CD1B: variants seen among roughly 807,000 people sequenced by gnomAD.
CD1B encodes the protein T-cell surface glycoprotein CD1b.
A neutral mutation model predicts 39.8 loss-of-function variants in CD1B; 43 were observed. The ratio of observed to expected loss-of-function variants is 1.08; its 90% CI spans 0.85 to 1.39. CD1B has a LOEUF of 1.39. CD1B is among the 40% of genes most tolerant of loss of function. CD1B has a pLI of 0.00. For missense variants in CD1B, 495 were observed against 403.8 expected, an observed-to-expected ratio of 1.23 and a Z score of -1.94; for synonymous variants, 192 against 152.5, an observed-to-expected ratio of 1.26 and a Z score of -1.91.
the CD1B span, among the ~76,000 whole-genome samples, chr1:158,300,758 CTCTT>C: frequency 7.0e-6 from 1 of 142,416 alleles, no homozygotes; most frequent in Non-Finnish European, 1.5e-5. Context: ...CTCTCTCTCT[CTCTT>C]TTTTTTTTTT....
At chr1:158,286,176 C>T in the CD1B span, among the ~76,000 whole-genome samples, 2 of 152,126 alleles carry the variant, frequency 1.3e-5, no homozygotes, top group Non-Finnish European at 2.9e-5. Flanking sequence ...GAGCACTGGG[C>T]TCCCTCGGGA....
the CD1B span, chr1:158,291,295 A>C: frequency 6.2e-7 from 1 of 1,614,024 alleles, no homozygotes; most frequent in African/African-American, 1.3e-5. Flanking sequence ...GTCCAAGGGC[A>C]ACTTCAGCAA....
the CD1B span, among the ~76,000 whole-genome samples, chr1:158,290,406 G>T: frequency 6.6e-6 from 1 of 152,154 alleles, no homozygotes; most frequent in Admixed American, 6.5e-5. Context: ...AAATGATGTG[G>T]TTTCTCCTTT....
chr1:158,304,985 G>GA, the CD1B span, among the ~76,000 whole-genome samples: 2 of 152,184 alleles, frequency 1.3e-5, no homozygotes, highest in Middle Eastern at 3.4e-3. Context: ...CAAAGATGGG[G>GA]AAAAAACAGA....
the CD1B span, among the ~76,000 whole-genome samples, chr1:158,318,440 T>A: frequency 3.3e-5 from 5 of 152,236 alleles, no homozygotes; most frequent in Admixed American, 2.6e-4. Context: ...TCTCTTTTGA[T>A]CTTTATTAGT....
downstream of CD1B, among the ~76,000 whole-genome samples, chr1:158,324,361 G>A (rs1652278585): frequency 1.3e-5 from 2 of 152,168 alleles, no homozygotes; most frequent in Admixed American, 6.5e-5. Flanking sequence ...CTTCTACAGA[G>A]AGACTTTTGT....
the CD1B span, among the ~76,000 whole-genome samples, chr1:158,317,604 C>G: frequency 5.3e-5 from 8 of 152,074 alleles, no homozygotes; most frequent in South Asian, 8.3e-4. Context: ...TTGATCCTTT[C>G]AAAAAACCAG....
chr1:158,317,482 T>C, the CD1B span, among the ~76,000 whole-genome samples: 1 of 152,368 alleles, frequency 6.6e-6, no homozygotes, highest in African/African-American at 2.4e-5. Context: ...GATGGTAGTT[T>C]GTATTTCCGT....
the CD1B span, among the ~76,000 whole-genome samples, chr1:158,316,747 T>C: frequency 9.9e-3 from 1,489 of 150,682 alleles, 29 homozygotes; most frequent in African/African-American, 0.034. Flanking sequence ...GTTTTCAAAG[T>C]GAATACTTCC....
the CD1B span, among the ~76,000 whole-genome samples, chr1:158,319,950 G>A: frequency 3.9e-5 from 6 of 152,184 alleles, no homozygotes; most frequent in African/African-American, 1.4e-4. Context: ...CCCTGCTGGG[G>A]GGTGCCTCCC....
chr1:158,326,263 T>C (rs866185997), downstream of CD1B, among the ~76,000 whole-genome samples: 2 of 152,150 alleles, frequency 1.3e-5, no homozygotes, highest in Non-Finnish European at 2.9e-5. Flanking sequence ...TGAGCCACCA[T>C]GCCCGGCCCA....
chr1:158,308,332 A>G, the CD1B span, among the ~76,000 whole-genome samples: 3 of 152,242 alleles, frequency 2.0e-5, no homozygotes, highest in East Asian at 3.9e-4. Context: ...AAATAAAAGA[A>G]GATACAAACA....
At chr1:158,317,278 A>C in the CD1B span, among the ~76,000 whole-genome samples, 1 of 152,126 alleles carries the variant, frequency 6.6e-6, no homozygotes, top group African/African-American at 2.4e-5. Flanking sequence ...TTCGGCTGTG[A>C]ATCCATCTGG....
At chr1:158,309,770 G>C in the CD1B span, among the ~76,000 whole-genome samples, 1 of 137,740 alleles carries the variant, frequency 7.3e-6, no homozygotes, top group African/African-American at 2.7e-5. Context: ...TCACCGGTGG[G>C]AATTGAACAA....
the CD1B span, among the ~76,000 whole-genome samples, chr1:158,308,636 T>C: frequency 1.3e-5 from 2 of 151,964 alleles, no homozygotes; most frequent in Non-Finnish European, 2.9e-5. Flanking sequence ...AACAGAGATA[T>C]AGAACAATGG....
chr1:158,288,420 C>G, the CD1B span, among the ~76,000 whole-genome samples: 1 of 152,230 alleles, frequency 6.6e-6, no homozygotes, highest in African/African-American at 2.4e-5. Context: ...AAGGCACGGT[C>G]TTGCTCTGTT....
chr1:158,320,364 G>A, the CD1B span, among the ~76,000 whole-genome samples: 13,471 of 152,246 alleles, frequency 0.088, 1,186 homozygotes, highest in African/African-American at 0.21. Context: ...CTCATGGTGT[G>A]CCGTTTTTTA....
chr1:158,326,324 G>A (rs1310824179), downstream of CD1B, among the ~76,000 whole-genome samples: 1 of 152,076 alleles, frequency 6.6e-6, no homozygotes, highest in African/African-American at 2.4e-5. Context: ...CATGTTAAAT[G>A]ACATTATAGC....
chr1:158,287,857 A>G, the CD1B span, among the ~76,000 whole-genome samples: 3 of 152,320 alleles, frequency 2.0e-5, no homozygotes, highest in Non-Finnish European at 1.5e-5. Context: ...TCTCCATCTC[A>G]TAGTCTTGCC....
Sources: allele counts gnomAD v4.1 joint callset (sites outside exome capture counted in the v4.1 genomes callset), GRCh38; gene constraint gnomAD v4.1.1; transcripts MANE v1.5; gene names NCBI Gene and HGNC (gene_info 2026-07-23, HGNC 2026-07-21).